SDK1: variants seen among roughly 807,000 people sequenced by gnomAD.
SDK1 encodes sidekick cell adhesion molecule 1, also known as protein sidekick-1.
A neutral mutation model predicts 245.5 loss-of-function variants in SDK1; 157 were observed. The observed-to-expected ratio is 0.64, with a 90% confidence interval of 0.56 to 0.73. The LOEUF (loss-of-function observed/expected upper bound fraction) is 0.73, where lower values mean the gene tolerates loss of function less well. SDK1 is among the 30% of genes least tolerant of loss of function. The pLI is 0.00. For missense variants in SDK1, 3,583 were observed against 3,002.3 expected (o/e 1.19, Z -4.52); for synonymous variants, 1,647 against 1,278.5 (o/e 1.29, Z -6.15).
chr7:4,158,471 A>G lies in SDK1; in HGVS notation c.4649A>G (p.Lys1550Arg). The G allele has an allele frequency of 6.2e-7, 1 of 1,613,670 alleles. No individual in the cohort carries two copies. The highest frequency in any genetic ancestry group is 1.1e-5 in the South Asian group (1 of 91,090). ...AGACTGAGGCCCTTCACCTCCTACA[A>G]GCTGCGCCTGAAAGCCACCAACGAC... ...VDRLRPFTSYKLRLKATNDIG... is the reference protein window; with the variant it reads ...VDRLRPFTSYRLRLKATNDIG... The change falls in exon 31 of 45, where the codon AAG becomes AGG. Residue 1550 changes from lysine (K) to arginine (R), a missense_variant. Lys to Arg is a conservative substitution (Grantham distance 26, BLOSUM62 2). Transcript: ENST00000404826.
At chr7:3,954,946 C>T (rs1411932308) in intron 7 of SDK1, among the ~76,000 whole-genome samples, 2 of 151,770 alleles carry the variant, frequency 1.3e-5, no homozygotes, top group Non-Finnish European at 2.9e-5. Flanking sequence ...ATGTGCCTCA[C>T]CACCTATGAA....
chr7:3,622,682 C>T (rs992777117), intron 2 of SDK1, among the ~76,000 whole-genome samples: 10 of 152,106 alleles, frequency 6.6e-5, no homozygotes, highest in African/African-American at 1.4e-4. Context: ...GAAGACAAAA[C>T]GTTGTTGGTT....
chr7:3,768,934 C>T (rs1190389685), intron 4 of SDK1, among the ~76,000 whole-genome samples: 3 of 152,088 alleles, frequency 2.0e-5, no homozygotes, highest in East Asian at 1.9e-4. Flanking sequence ...TATGAATATT[C>T]GTAAATTTCT....
intron 25 of SDK1, among the ~76,000 whole-genome samples, chr7:4,122,632 C>T (rs1784143206): frequency 6.6e-6 from 1 of 151,934 alleles, no homozygotes; most frequent in Non-Finnish European, 1.5e-5. Flanking sequence ...ATAAATGAGG[C>T]CTTAAAAACC....
chr7:3,563,296 C>T (rs1779807344), intron 1 of SDK1, among the ~76,000 whole-genome samples: 1 of 152,030 alleles, frequency 6.6e-6, no homozygotes, highest in East Asian at 1.9e-4. Flanking sequence ...AACGTATATT[C>T]CTGGATTATC....
intron 22 of SDK1, among the ~76,000 whole-genome samples, chr7:4,107,138 G>A (rs1456374318): frequency 1.4e-5 from 2 of 142,398 alleles, no homozygotes; most frequent in African/African-American, 2.7e-5. Context: ...GGAGGGTGGG[G>A]AGGGTGGGGA....
chr7:3,464,776 A>T (rs540328359), intron 1 of SDK1, among the ~76,000 whole-genome samples: 36 of 151,808 alleles, frequency 2.4e-4, no homozygotes, highest in Admixed American at 1.2e-3. Context: ...CTTATTTTTC[A>T]GTTCAGTTTA....
chr7:3,504,178 A>ATGTGTG, intron 1 of SDK1, among the ~76,000 whole-genome samples: 1 of 52,430 alleles, frequency 1.9e-5, no homozygotes, highest in South Asian at 1.1e-3. Context: ...TTATATATAT[A>ATGTGTG]TATATGTGTG....
intron 1 of SDK1, among the ~76,000 whole-genome samples, chr7:3,338,982 A>G (rs1780275238): frequency 6.6e-6 from 1 of 152,232 alleles, no homozygotes; most frequent in African/African-American, 2.4e-5. Context: ...GCTTAAATAT[A>G]GATGATCTGA....
chr7:4,080,800 A>G (rs1781007306), intron 22 of SDK1, among the ~76,000 whole-genome samples: 1 of 152,194 alleles, frequency 6.6e-6, no homozygotes, highest in African/African-American at 2.4e-5. Flanking sequence ...TGGCACATGT[A>G]TACATATGTA....
chr7:4,006,031 C>T lies in SDK1; in HGVS notation c.2132-4935C>T, dbSNP rs139264906. Among the ~76,000 whole-genome samples, 902 of 152,258 alleles carry T rather than the reference C, an allele frequency of 5.9e-3. 4 individuals carry two copies. The highest frequency in any genetic ancestry group is 8.6e-3 in the Admixed American group (131 of 15,302). ...GCAGTGAGCCGAGATTGCGCCACTG[C>T]ACTCCAGCCTGGATGACAAAGCGGG... On this transcript the variant is annotated intron_variant, in intron 14 of 44. Coordinates refer to ENST00000404826, the MANE Select transcript of SDK1 (RefSeq NM_152744.4).
chr7:4,225,658 T>C (rs1785394088), intron 40 of SDK1, among the ~76,000 whole-genome samples: 1 of 152,078 alleles, frequency 6.6e-6, no homozygotes, highest in Non-Finnish European at 1.5e-5. Context: ...TTAGAAGTAA[T>C]TGGCGTGTCG....
At chr7:3,389,154 C>A (rs1485620387) in intron 1 of SDK1, among the ~76,000 whole-genome samples, 2 of 152,058 alleles carry the variant, frequency 1.3e-5, no homozygotes, top group African/African-American at 4.8e-5. Context: ...GCATTCTAGA[C>A]AAATGTGGAA....
At chr7:4,245,066 C>T (rs1786762973) in intron 43 of SDK1, among the ~76,000 whole-genome samples, 1 of 152,218 alleles carries the variant, frequency 6.6e-6, no homozygotes, top group African/African-American at 2.4e-5. Context: ...CTTCAGTCTG[C>T]CATGTTCCAC....
intron 1 of SDK1, among the ~76,000 whole-genome samples, chr7:3,337,620 A>G (rs1780237305): frequency 1.3e-5 from 2 of 152,234 alleles, no homozygotes; most frequent in South Asian, 4.1e-4. Flanking sequence ...CAAGGCAGAT[A>G]CAGGAAAGCT....
chr7:4,176,383 G>A (rs1003019689), intron 34 of SDK1, among the ~76,000 whole-genome samples: 6 of 152,042 alleles, frequency 3.9e-5, no homozygotes, highest in East Asian at 3.9e-4. Flanking sequence ...TGTACAGGCC[G>A]GTCTTGAATG....
intron 17 of SDK1, among the ~76,000 whole-genome samples, chr7:4,030,681 TAACAA>T (rs1787742521): frequency 6.6e-6 from 1 of 152,238 alleles, no homozygotes; most frequent in South Asian, 2.1e-4. Context: ...TAATTTCATA[TAACAA>T]AACCATGATG....
At chr7:3,356,401 G>A (rs944537377) in intron 1 of SDK1, among the ~76,000 whole-genome samples, 4 of 152,088 alleles carry the variant, frequency 2.6e-5, no homozygotes, top group South Asian at 2.1e-4. Context: ...GTTTGTTACC[G>A]CTCTTTAAAG....
At chr7:3,465,824 G>C (rs915128883) in intron 1 of SDK1, among the ~76,000 whole-genome samples, 1 of 152,152 alleles carries the variant, frequency 6.6e-6, no homozygotes, top group Non-Finnish European at 1.5e-5. Flanking sequence ...TCACCTTTTG[G>C]GTTGGCCATC....
Sources: allele counts gnomAD v4.1 joint callset (sites outside exome capture counted in the v4.1 genomes callset), GRCh38; gene constraint gnomAD v4.1.1; transcripts MANE v1.5; gene names NCBI Gene and HGNC (gene_info 2026-07-23, HGNC 2026-07-21).